Variants in CFH observed in about 807,000 individuals in gnomAD.
The protein encoded by CFH is H factor 1 (complement).
In CFH, 53 loss-of-function variants were observed where a neutral mutation model predicts 147.3. The observed-to-expected ratio is 0.36, with a 90% CI of 0.29 to 0.45. The LOEUF (loss-of-function observed/expected upper bound fraction) is 0.45. Ranked by LOEUF, CFH falls within the 20% of genes least tolerant of loss-of-function variation. The pLI is 1.00. For missense variants in CFH, 1,380 were observed against 1,498.0 expected (o/e 0.92, Z 1.30); for synonymous variants, 536 against 489.4 (o/e 1.10, Z -1.26).
chr1:196,680,376 C>A (rs898199062), intron 6 of CFH, among the ~76,000 whole-genome samples: 2 of 150,228 alleles, frequency 1.3e-5, no homozygotes, highest in African/African-American at 2.4e-5. Flanking sequence ...CCAAAGAGTT[C>A]ATCTCAACTG....
chr1:196,652,983 AT>A (rs1271332199), intron 1 of CFH, among the ~76,000 whole-genome samples: 1 of 151,832 alleles, frequency 6.6e-6, no homozygotes, highest in Non-Finnish European at 1.5e-5. Context: ...TGTGATAGAT[AT>A]TTGGTAAACA....
At chr1:196,660,188 C>G (rs1214326389) in intron 1 of CFH, among the ~76,000 whole-genome samples, 1 of 151,906 alleles carries the variant, frequency 6.6e-6, no homozygotes, top group African/African-American at 2.4e-5. Flanking sequence ...AGAAATCTGT[C>G]GTAAAATTAT....
chr1:196,723,663 G>T (rs1277431513), intron 11 of CFH, among the ~76,000 whole-genome samples: 1 of 152,066 alleles, frequency 6.6e-6, no homozygotes, highest in African/African-American at 2.4e-5. Flanking sequence ...GGTCTGAGGA[G>T]CTGGGGACAA....
chr1:196,664,070 C>G (rs1336460003), intron 1 of CFH, among the ~76,000 whole-genome samples: 3 of 151,764 alleles, frequency 2.0e-5, no homozygotes, highest in African/African-American at 7.3e-5. Context: ...TTTTTTTCCC[C>G]TTTTGTGACA....
chr1:196,744,045 CTG>C (rs1421265741), intron 20 of CFH, among the ~76,000 whole-genome samples: 10 of 152,034 alleles, frequency 6.6e-5, no homozygotes, highest in Non-Finnish European at 1.3e-4. Flanking sequence ...GTGTGACTGA[CTG>C]TATTTATAAA....
intron 8 of CFH, 90 bp from the exon 9 acceptor site, chr1:196,689,973 A>C: frequency 1.5e-6 from 2 of 1,341,094 alleles, no homozygotes; most frequent in Non-Finnish European, 2.0e-6. Context: ...AATCTTATTT[A>C]AATATTGTAA....
chr1:196,700,653 C>CA (rs550520235), intron 9 of CFH, among the ~76,000 whole-genome samples: 24,362 of 96,064 alleles, frequency 0.25, 2,995 homozygotes, highest in African/African-American at 0.43. Context: ...GATTCCGTCT[C>CA]AAAAAAAAAA....
At chr1:196,657,491 C>T (rs992655601) in intron 1 of CFH, among the ~76,000 whole-genome samples, 4 of 152,056 alleles carry the variant, frequency 2.6e-5, no homozygotes, top group Non-Finnish European at 5.9e-5. Context: ...ACTGACTTTT[C>T]GTACATGCGG....
intron 11 of CFH, among the ~76,000 whole-genome samples, chr1:196,716,541 C>A (rs35361417): frequency 6.6e-6 from 1 of 152,050 alleles, no homozygotes; most frequent in Non-Finnish European, 1.5e-5. Flanking sequence ...GGATGCTGTA[C>A]TTTTTGTAGG....
rs920489275 is a variant in CFH, at chr1:196,689,632, C to G, written c.1159+18C>G. ...ATGCCTCAGTAAGTAAACCTCTGAA[C>G]TGCTATATATATGTATAAAACTTTC... is the stretch of plus-strand genomic sequence containing the variant. On this transcript the variant is annotated intron_variant, in intron 8 of 21. Coordinates refer to ENST00000367429, the MANE Select transcript of CFH (RefSeq NM_000186.4). 1.2e-6 allele frequency: 2 copies of G among 1,611,524 alleles called. No homozygotes were observed. The highest frequency in any genetic ancestry group is 1.7e-5 in the Admixed American group (1 of 59,864).
chr1:196,737,736 G>A lies in CFH; in HGVS notation c.2782+76G>A, dbSNP rs11799956. On this transcript the variant is annotated intron_variant, in intron 17 of 21. Coordinates refer to ENST00000367429, the MANE Select transcript of CFH (RefSeq NM_000186.4). Reference sequence around the variant, plus strand: ...ATAATCTCTTGTTATCAAAGTGAGGGGAATAATTGAGATTACTGCATATAT... The same window carrying A: ...ATAATCTCTTGTTATCAAAGTGAGGAGAATAATTGAGATTACTGCATATAT... 3,662 of 1,241,654 alleles carry A rather than the reference G, an allele frequency of 2.9e-3. 78 individuals are homozygous for A. In the African/African-American group the frequency reaches 0.045, roughly 15 times the overall value. The allele number at this position is 1,241,654 out of a possible 1,614,324, so 76.9% of individuals were successfully genotyped here.
rs749373233 is a variant in CFH at position 196,690,055 on chromosome 1, G to A, written c.1160-8G>A. ...ACTTTATTTATTTATCATTGTTATG[G>A]TCCTTAGGAAAATGTTATTTTCCTT... On this transcript the variant is annotated splice_polypyrimidine_tract_variant and splice_region_variant and intron_variant, in intron 8 of 21. Transcript: ENST00000367429. 2.6e-5 allele frequency: 41 copies of A among 1,600,702 alleles called. No homozygotes were observed. The highest frequency in any genetic ancestry group is 3.4e-5 in the Admixed American group (2 of 59,408).
intron 9 of CFH, among the ~76,000 whole-genome samples, chr1:196,705,564 A>G (rs1668566780): frequency 6.6e-6 from 1 of 152,212 alleles, no homozygotes; most frequent in Admixed American, 6.5e-5. Context: ...CTGAACTAAG[A>G]AAGCCATTTG....
intron 6 of CFH, among the ~76,000 whole-genome samples, chr1:196,684,725 A>T (rs1222286293): frequency 6.6e-6 from 1 of 152,046 alleles, no homozygotes; most frequent in Admixed American, 6.6e-5. Context: ...AACAATCCTT[A>T]TGAGAACCAC....
Position 196,679,724 on chromosome 1 carries a change from T to C in CFH, c.721T>C (p.Tyr241His), listed in dbSNP as rs1667584270. ...ATTTCAATATAAATGTAACATGGGT[T>C]ATGAATACAGTGAAAGAGGAGATGC... ...ERFQYKCNMG[Y>H]EYSERGDAVC... The change falls in exon 6 of 22, where the codon TAT (tyrosine) becomes CAT (histidine). Residue 241 changes from tyrosine (Y) to histidine (H), a missense_variant. By Grantham distance (83) the Tyr-to-His change is moderately conservative. Around this residue, in one of 4 missense-constraint regions of CFH, gnomAD observed 167 missense variants for 228.0 expected, o/e 0.73. Transcript: ENST00000367429. 1 of 1,611,776 alleles carries C rather than the reference T, an allele frequency of 6.2e-7. No individual in the cohort carries two copies. Among genetic ancestry groups the C allele is most frequent in the African/African-American group, 1.3e-5 (1 of 74,850 alleles).
intron 15 of CFH, among the ~76,000 whole-genome samples, chr1:196,736,621 T>C (rs1351404984): frequency 6.6e-6 from 1 of 151,934 alleles, no homozygotes; most frequent in Non-Finnish European, 1.5e-5. Context: ...TATTGTTTAA[T>C]GTAACTGTTA....
intron 1 of CFH, among the ~76,000 whole-genome samples, chr1:196,664,581 A>G (rs1468253449): frequency 1.3e-5 from 2 of 152,224 alleles, no homozygotes; most frequent in African/African-American, 2.4e-5. Flanking sequence ...TTTTATTTAC[A>G]AAACAAGCAG....
intron 9 of CFH, among the ~76,000 whole-genome samples, chr1:196,693,243 C>T (rs1209616048): frequency 4.6e-5 from 7 of 151,870 alleles, no homozygotes; most frequent in Non-Finnish European, 5.9e-5. Flanking sequence ...TGGAGTGTAT[C>T]CTTTATGAAT....
intron 9 of CFH, among the ~76,000 whole-genome samples, chr1:196,711,788 T>A (rs956333258): frequency 6.6e-5 from 10 of 152,092 alleles, no homozygotes; most frequent in African/African-American, 2.2e-4. Flanking sequence ...GGGAATCCTT[T>A]ACCTTTTTGT....
Sources: gnomAD v4.1 joint callset for allele counts (sites outside exome capture counted in the v4.1 genomes callset) on GRCh38, gnomAD v4.1.1 for gene constraint, gnomAD v4.1.1 regional missense constraint, MANE v1.5 for transcripts, NCBI Gene and HGNC (gene_info 2026-07-23, HGNC 2026-07-21) for gene names.